CAMTA1: variants seen among roughly 807,000 people sequenced by gnomAD.
The protein encoded by CAMTA1 is calmodulin binding transcription activator 1.
Under a neutral mutation model 170.9 loss-of-function variants are expected in CAMTA1, and 27 were observed. The observed-to-expected ratio is 0.16, with a 90% CI of 0.12 to 0.22. CAMTA1 has a LOEUF of 0.22. Ranked by LOEUF, CAMTA1 falls within the 10% of genes least tolerant of loss-of-function variation. The pLI is 1.00. For missense variants in CAMTA1, 1,619 were observed against 2,217.2 expected (o/e 0.73, Z 5.42); for synonymous variants, 833 against 891.5 (o/e 0.93, Z 1.17).
intron 6 of CAMTA1, among the ~76,000 whole-genome samples, chr1:7,616,751 C>A (rs530147720): frequency 1.3e-5 from 2 of 152,088 alleles, no homozygotes; most frequent in Non-Finnish European, 2.9e-5. Flanking sequence ...GGGGCCCCCC[C>A]ACCAGAGTGA....
At chr1:7,631,684 T>G (rs1167318134) in intron 6 of CAMTA1, among the ~76,000 whole-genome samples, 1 of 152,132 alleles carries the variant, frequency 6.6e-6, no homozygotes, top group Non-Finnish European at 1.5e-5. Flanking sequence ...GGCCGGCAGA[T>G]CCTGGGAGAC....
In CAMTA1 at chr1:7,216,502, T is replaced by TTTCC. The variant is rs966389816; in HGVS notation, c.303-32974_303-32971dup. On this transcript the variant is annotated intron_variant, in intron 4 of 22. Transcript: ENST00000303635. This position sits in a 1 kb window ranked among gnomAD's most constrained non-coding sequence, Gnocchi z 4.0. ...ATTTCCTACAGTTTCTTTCTTTCATTTTCCTTCCTTCCTTCCTTTCTTTCT... is the reference window on the plus strand; with the variant it reads ...ATTTCCTACAGTTTCTTTCTTTCATTTTCCTTCCTTCCTTCCTTCCTTTCTTTCT... Among the ~76,000 whole-genome samples, 33 of 152,216 alleles carry TTTCC rather than the reference T, an allele frequency of 2.2e-4. No individual in the cohort carries two copies. The highest frequency in any genetic ancestry group is 6.3e-4 in the African/African-American group (26 of 41,538).
rs2095985237 is a variant in CAMTA1, at chr1:7,664,439, C to A, written c.1892C>A (p.Thr631Asn). Residue 631 changes from threonine to asparagine, a missense_variant, in exon 9 of 23, where the codon ACC (threonine) becomes AAC (asparagine). Thr to Asn is a moderately conservative substitution (Grantham distance 65). Coordinates refer to ENST00000303635, the MANE Select transcript of CAMTA1 (RefSeq NM_015215.4). ...AAACCCCTCCCCGTCGAGCAGAACA[C>A]CCACAGCAGCCTGAGTGACTCTGGG... is the stretch of plus-strand genomic sequence containing the variant. ...ASKPLPVEQN[T>N]HSSLSDSGGT... 6.2e-7 allele frequency: 1 copy of A among 1,613,508 alleles called. No homozygotes were observed. The highest frequency in any genetic ancestry group is 8.5e-7 in the Non-Finnish European group (1 of 1,180,020).
At chr1:7,655,091 TACAC>T (rs535253795) in intron 7 of CAMTA1, among the ~76,000 whole-genome samples, 2 of 40,668 alleles carry the variant, frequency 4.9e-5, no homozygotes, top group African/African-American at 1.4e-4. Flanking sequence ...CACCCACCTA[TACAC>T]ACACACCTAT....
Position 7,585,210 on chromosome 1 carries a change from G to A in CAMTA1, c.511-55190G>A, listed in dbSNP as rs893839747. Among the ~76,000 whole-genome samples the A allele has an allele frequency of 3.3e-5, 5 of 152,158 alleles. No homozygotes were observed. Among genetic ancestry groups the A allele is most frequent in the Non-Finnish European group, 4.4e-5 (3 of 68,032 alleles). ...TATGGATTTTGGAATTGGATTGTGG[G>A]CCTGTAATATAATTTAAGATAGTGA... On this transcript the variant is annotated intron_variant, in intron 6 of 22. Coordinates refer to ENST00000303635, the MANE Select transcript of CAMTA1 (RefSeq NM_015215.4). This position sits in a 1 kb window ranked among gnomAD's most constrained non-coding sequence, Gnocchi z 4.8.
intron 1 of CAMTA1, among the ~76,000 whole-genome samples, chr1:6,799,168 A>C (rs2148171541): frequency 6.6e-6 from 1 of 152,058 alleles, no homozygotes; most frequent in African/African-American, 2.4e-5. Flanking sequence ...CTTGGGTTCA[A>C]GTGATCCTCC....
At chr1:7,203,863 A>C (rs6669999) in intron 4 of CAMTA1, among the ~76,000 whole-genome samples, 1 of 145,530 alleles carries the variant, frequency 6.9e-6, no homozygotes, top group East Asian at 2.0e-4. Flanking sequence ...ACGGAGTCTC[A>C]CTCTGTCGCC....
rs1025168465 is a variant in CAMTA1, at chr1:7,044,056, C to T, written c.235-47248C>T. On this transcript the variant is annotated intron_variant, in intron 3 of 22. Coordinates refer to ENST00000303635, the MANE Select transcript of CAMTA1 (RefSeq NM_015215.4). The surrounding 1 kb of genome is among the most constrained non-coding windows in gnomAD (Gnocchi z 5.0). ...TCCAGAGGGCCATTAGGGCTGCCAGCGGAGGTCAGGAGCAGTGATCTACGG... is the reference window on the plus strand; with the variant it reads ...TCCAGAGGGCCATTAGGGCTGCCAGTGGAGGTCAGGAGCAGTGATCTACGG... Among the ~76,000 whole-genome samples the T allele has an allele frequency of 4.6e-5, 7 of 152,202 alleles. No individual in the cohort carries two copies. The highest frequency in any genetic ancestry group is 2.1e-4 in the South Asian group (1 of 4,830).
At chr1:7,434,124 C>G (rs765080358) in intron 5 of CAMTA1, among the ~76,000 whole-genome samples, 28 of 152,280 alleles carry the variant, frequency 1.8e-4, no homozygotes, top group Non-Finnish European at 3.8e-4. Flanking sequence ...GCATCCATGC[C>G]TCCCAGCTCT....
chr1:6,922,543 T>C (rs1682243297), intron 3 of CAMTA1, among the ~76,000 whole-genome samples: 1 of 152,192 alleles, frequency 6.6e-6, no homozygotes, highest in Admixed American at 6.5e-5. Context: ...TTTCTCCATG[T>C]GGTTTTCAGC....
chr1:7,035,668 T>G (rs1348459825), intron 3 of CAMTA1, among the ~76,000 whole-genome samples: 1 of 152,232 alleles, frequency 6.6e-6, no homozygotes, highest in African/African-American at 2.4e-5. Flanking sequence ...TTCTGACCTC[T>G]CTGTCTCCCA....
At chr1:6,998,315 C>G (rs60700491) in intron 3 of CAMTA1, among the ~76,000 whole-genome samples, 3 of 152,086 alleles carry the variant, frequency 2.0e-5, no homozygotes, top group African/African-American at 7.2e-5. Flanking sequence ...TCAGGTGATC[C>G]GCCCATCTCT....
In CAMTA1 at chr1:7,460,070, G is replaced by A. The variant is rs552517791; in HGVS notation, c.439-7760G>A. Among the ~76,000 whole-genome samples, 17 of 152,368 alleles carry A rather than the reference G, an allele frequency of 1.1e-4. No individual in the cohort carries two copies. The South Asian group carries it at 2.1e-3, about 19-fold the overall frequency. On this transcript the variant is annotated intron_variant, in intron 5 of 22. Transcript: ENST00000303635. Reference sequence around the variant, plus strand: ...TCAAAGGCAAGGCCATCTGCCAGCCGCTCACTGTGGGTCCCTTAGGGGAGA... The same window carrying A: ...TCAAAGGCAAGGCCATCTGCCAGCCACTCACTGTGGGTCCCTTAGGGGAGA...
chr1:6,911,272 G>C (rs1175125689), intron 3 of CAMTA1, among the ~76,000 whole-genome samples: 1 of 152,134 alleles, frequency 6.6e-6, no homozygotes, highest in Non-Finnish European at 1.5e-5. Context: ...AGGGAGTTGG[G>C]GCCCAGGAGG....
chr1:7,748,217 C>T lies in CAMTA1; in HGVS notation c.4689+436C>T, dbSNP rs1159480919. Among the ~76,000 whole-genome samples the T allele has an allele frequency of 6.6e-6, 1 of 151,520 alleles. No individual in the cohort carries two copies. The highest frequency in any genetic ancestry group is 2.4e-5 in the African/African-American group (1 of 41,116). On this transcript the variant is annotated intron_variant, in intron 19 of 22. Transcript: ENST00000303635. This position sits in a 1 kb window ranked among gnomAD's most constrained non-coding sequence, Gnocchi z 4.7. ...ATGAGCCGCAGCGCCCGGCCAGAGACTTAATTTGAACTGCCATGATAAAAC... is the reference window on the plus strand; with the variant it reads ...ATGAGCCGCAGCGCCCGGCCAGAGATTTAATTTGAACTGCCATGATAAAAC...
Position 7,289,132 on chromosome 1 carries a change from G to A in CAMTA1, c.438+39506G>A, listed in dbSNP as rs913118329. 3.3e-5 allele frequency among the ~76,000 whole-genome samples: 5 copies of A among 152,178 alleles called. 1 individual carries two copies. The highest frequency in any genetic ancestry group is 2.0e-4 in the Admixed American group (3 of 15,288). ...AATCAGATCTCATGAGAACTCACTC[G>A]CTGTCATGAGAACAGCACCGAGGAG... On this transcript the variant is annotated intron_variant, in intron 5 of 22. Transcript: ENST00000303635.
intron 4 of CAMTA1, among the ~76,000 whole-genome samples, chr1:7,207,918 T>G (rs1221300984): frequency 6.6e-6 from 1 of 152,268 alleles, no homozygotes; most frequent in Admixed American, 6.5e-5. Context: ...TCCCTCATTC[T>G]GCTGCCCAGC....
chr1:6,876,153 A>AT (rs900990101), intron 3 of CAMTA1, among the ~76,000 whole-genome samples: 130 of 149,768 alleles, frequency 8.7e-4, no homozygotes, highest in East Asian at 6.9e-3. Context: ...TTGTTCTTTC[A>AT]TTTTTTTTTC....
At chr1:7,486,099 C>A (rs1456573104) in intron 6 of CAMTA1, among the ~76,000 whole-genome samples, 1 of 152,350 alleles carries the variant, frequency 6.6e-6, no homozygotes, top group South Asian at 2.1e-4. Flanking sequence ...TTGCCTCTTT[C>A]AGGAAGAGAC....
Sources: gnomAD v4.1 joint callset for allele counts (sites outside exome capture counted in the v4.1 genomes callset) on GRCh38, gnomAD v4.1.1 for gene constraint, Gnocchi (gnomAD v3.1) non-coding constraint, MANE v1.5 for transcripts, NCBI Gene and HGNC (gene_info 2026-07-23, HGNC 2026-07-21) for gene names.